The following DNM3 variants were observed in gnomAD, a reference collection of about 807,000 sequenced individuals.
DNM3 encodes dynamin 3, also known as dynamin-3.
DNM3 carries 47 observed loss-of-function variants against 101.6 expected under a neutral mutation model. The observed-to-expected ratio is 0.46, with a 90% CI of 0.37 to 0.59. The LOEUF is 0.59. Ranked by LOEUF, DNM3 falls within the 20% of genes least tolerant of loss-of-function variation. The pLI, the probability that DNM3 is intolerant of heterozygous loss-of-function variation, is 0.00. For synonymous variants in DNM3, 385 were observed against 387.9 expected (o/e 0.99, Z 0.09); for missense variants, 849 against 1,085.7 (o/e 0.78, Z 3.06).
rs570734574 is a variant in DNM3 at position 172,389,091 on chromosome 1, T to C, written c.2522+282T>C. On this transcript the variant is annotated intron_variant, in intron 20 of 20. Coordinates refer to ENST00000627582, the MANE Select transcript of DNM3 (RefSeq NM_015569.5). ...ACATTTTGGCAGCTATTGGGAGAATTTGAGGGCTTTGAAACAAAAGAGCTA... is the reference window on the plus strand; with the variant it reads ...ACATTTTGGCAGCTATTGGGAGAATCTGAGGGCTTTGAAACAAAAGAGCTA... 198 of 446,960 alleles carry C rather than the reference T, an allele frequency of 4.4e-4. 1 individual carries two copies. Among genetic ancestry groups the C allele is most frequent in the African/African-American group, 3.4e-3 (173 of 51,026 alleles). 27.7% of individuals were successfully genotyped at this position (446,960 alleles called of 1,614,324 possible). A position where few individuals can be genotyped will look rare whatever the true frequency, so the allele number is the denominator to read the frequency against.
chr1:172,317,344 C>A (rs1203131871), intron 16 of DNM3, among the ~76,000 whole-genome samples: 1 of 151,428 alleles, frequency 6.6e-6, no homozygotes, highest in African/African-American at 2.4e-5. Context: ...AAAGCAAGAG[C>A]AAACACATTC....
At position 172,048,603 on chromosome 1, in the gene DNM3, T is replaced by A; in HGVS notation, c.1197-9T>A. The A allele has an allele frequency of 6.3e-7, 1 of 1,595,566 alleles. No individual in the cohort carries two copies. Among genetic ancestry groups the A allele is most frequent in the Non-Finnish European group, 8.5e-7 (1 of 1,174,248 alleles). The stretch of plus-strand genomic sequence containing the variant: ...AAATCTCATGGGCTGCTTGCTTTCT[T>A]ACCTTCAGGACAGGGTTGTTTACTC... On this transcript the variant is annotated splice_polypyrimidine_tract_variant and intron_variant, in intron 9 of 20. Transcript: ENST00000627582.
intron 15 of DNM3, among the ~76,000 whole-genome samples, chr1:172,287,022 C>T (rs2063727373): frequency 1.3e-5 from 2 of 152,148 alleles, no homozygotes; most frequent in South Asian, 2.1e-4. Context: ...CCTGCAGGCA[C>T]GTCTTGCTCA....
At chr1:172,113,620 C>CAAAAAAA (rs34129992) in intron 13 of DNM3, among the ~76,000 whole-genome samples, 9 of 52,336 alleles carry the variant, frequency 1.7e-4, no homozygotes, top group African/African-American at 2.5e-4. Context: ...AACTCTGTCT[C>CAAAAAAA]AAAAAAAAAA....
At chr1:172,078,626 C>T (rs1015881048) in intron 11 of DNM3, among the ~76,000 whole-genome samples, 3 of 152,030 alleles carry the variant, frequency 2.0e-5, no homozygotes, top group Non-Finnish European at 4.4e-5. Flanking sequence ...ATTTACAATT[C>T]AGGTTAATAT....
chr1:172,270,423 T>G (rs548134255), intron 15 of DNM3, among the ~76,000 whole-genome samples: 60 of 152,322 alleles, frequency 3.9e-4, no homozygotes, highest in African/African-American at 1.3e-3. Flanking sequence ...ACATTGCATG[T>G]CTAATATATT....
intron 4 of DNM3, among the ~76,000 whole-genome samples, chr1:172,003,961 T>G (rs2046511840): frequency 6.6e-6 from 1 of 152,044 alleles, no homozygotes. Flanking sequence ...TTAGTGGTTG[T>G]GTAATTCCCA....
intron 17 of DNM3, among the ~76,000 whole-genome samples, chr1:172,337,077 T>A (rs1262905958): frequency 6.6e-6 from 1 of 152,258 alleles, no homozygotes; most frequent in African/African-American, 2.4e-5. Context: ...TCTGTGATTC[T>A]GGAACCAATA....
At chr1:172,303,908 C>G (rs2064613783) in intron 15 of DNM3, among the ~76,000 whole-genome samples, 2 of 152,014 alleles carry the variant, frequency 1.3e-5, no homozygotes, top group Non-Finnish European at 2.9e-5. Context: ...ACAACTGGTA[C>G]CAGACATTGC....
intron 11 of DNM3, among the ~76,000 whole-genome samples, chr1:172,078,912 G>A (rs550165419): frequency 1.1e-4 from 16 of 152,094 alleles, no homozygotes; most frequent in Middle Eastern, 3.4e-3. Context: ...GAAACTCTGC[G>A]TTGAAATTTC....
chr1:172,020,323 C>G (rs756036288), intron 4 of DNM3, among the ~76,000 whole-genome samples: 1 of 152,086 alleles, frequency 6.6e-6, no homozygotes, highest in African/African-American at 2.4e-5. Flanking sequence ...CTAGAGCAAG[C>G]TGGAGTTAGA....
chr1:171,906,841 T>C (rs1013144504), intron 1 of DNM3, among the ~76,000 whole-genome samples: 2 of 152,248 alleles, frequency 1.3e-5, no homozygotes, highest in Non-Finnish European at 2.9e-5. Flanking sequence ...ACTTTTCAAG[T>C]AAGTGATACT....
At chr1:171,953,141 A>G (rs1273148592) in intron 2 of DNM3, among the ~76,000 whole-genome samples, 5 of 152,218 alleles carry the variant, frequency 3.3e-5, no homozygotes, top group African/African-American at 1.2e-4. Flanking sequence ...TAGAGGACTA[A>G]CATCTATGCC....
intron 14 of DNM3, among the ~76,000 whole-genome samples, chr1:172,250,054 A>G (rs1464546031): frequency 1.3e-5 from 2 of 152,170 alleles, no homozygotes; most frequent in Non-Finnish European, 2.9e-5. Flanking sequence ...CCAAATGAGC[A>G]ACGTTCACAT....
intron 4 of DNM3, among the ~76,000 whole-genome samples, chr1:172,023,900 A>G (rs2048018191): frequency 6.7e-6 from 1 of 148,636 alleles, no homozygotes; most frequent in African/African-American, 2.5e-5. Flanking sequence ...TTTCTGGAAC[A>G]ATTCCTTGAG....
intron 17 of DNM3, among the ~76,000 whole-genome samples, chr1:172,344,486 A>G (rs1384672004): frequency 6.6e-6 from 1 of 152,256 alleles, no homozygotes; most frequent in African/African-American, 2.4e-5. Context: ...TTCCCCACGA[A>G]AATGGCCCTA....
chr1:172,265,767 C>G (rs895361203), intron 15 of DNM3, among the ~76,000 whole-genome samples: 11 of 152,166 alleles, frequency 7.2e-5, no homozygotes, highest in African/African-American at 2.4e-4. Flanking sequence ...GTTTTAAGGT[C>G]ATGCTAAGGC....
At chr1:172,400,387 AG>A (rs2070378873) in intron 20 of DNM3, among the ~76,000 whole-genome samples, 1 of 151,904 alleles carries the variant, frequency 6.6e-6, no homozygotes, top group East Asian at 1.9e-4. Flanking sequence ...GAGAGAAAGG[AG>A]GGGGGATAGA....
chr1:172,155,710 C>G (rs10911121), intron 14 of DNM3, among the ~76,000 whole-genome samples: 54,163 of 151,906 alleles, frequency 0.36, 12,385 homozygotes, highest in African/African-American at 0.63. Flanking sequence ...TAGACTCTGT[C>G]CTGGAGATAC....
Sources: allele counts gnomAD v4.1 joint callset (sites outside exome capture counted in the v4.1 genomes callset), GRCh38; gene constraint gnomAD v4.1.1; transcripts MANE v1.5; gene names NCBI Gene and HGNC (gene_info 2026-07-23, HGNC 2026-07-21).